Variants in EHBP1 observed in about 807,000 individuals in gnomAD.
EHBP1 encodes EH domain binding protein 1.
In EHBP1, 55 loss-of-function variants were observed where a neutral mutation model predicts 144.0. The observed-to-expected ratio is 0.38, with a 90% CI of 0.31 to 0.48. The LOEUF (loss-of-function observed/expected upper bound fraction) is 0.48, where lower values mean the gene tolerates loss of function less well. EHBP1 is among the 20% of genes least tolerant of loss of function. EHBP1 has a pLI of 0.98. For synonymous variants in EHBP1, 469 were observed against 472.7 expected, an observed-to-expected ratio of 0.99 and a Z score of 0.10; for missense variants, 1,200 against 1,364.2, an observed-to-expected ratio of 0.88 and a Z score of 1.90.
At chr2:62,943,055 T>C (rs1289072187) in intron 11 of EHBP1, among the ~76,000 whole-genome samples, 159 bp downstream of exon 11, 1 of 152,214 alleles carries the variant, frequency 6.6e-6, no homozygotes, top group East Asian at 1.9e-4. Context: ...CTTTTCCTTT[T>C]TCATACCTAA....
At chr2:62,776,470 G>C (rs2042059979) in intron 5 of EHBP1, among the ~76,000 whole-genome samples, 1 of 152,124 alleles carries the variant, frequency 6.6e-6, no homozygotes, top group African/African-American at 2.4e-5. Context: ...CTTTCTAGAG[G>C]ACACAGAAGA....
chr2:62,835,223 TG>T (rs1374549912), intron 7 of EHBP1, among the ~76,000 whole-genome samples: 3 of 152,194 alleles, frequency 2.0e-5, no homozygotes, highest in Non-Finnish European at 4.4e-5. Flanking sequence ...TTATAAGCTT[TG>T]CCCTTCAACT....
At chr2:62,959,534 C>T (rs553511053) in intron 14 of EHBP1, among the ~76,000 whole-genome samples, 1 of 152,290 alleles carries the variant, frequency 6.6e-6, no homozygotes, top group East Asian at 1.9e-4. Context: ...TTCTCACCAA[C>T]ACTTGCTACT....
chr2:62,755,371 A>G (rs1181359126), intron 3 of EHBP1, among the ~76,000 whole-genome samples: 2 of 151,970 alleles, frequency 1.3e-5, no homozygotes, highest in East Asian at 3.9e-4. Flanking sequence ...CCATGCAAAT[A>G]TACTACAATA....
At chr2:62,748,121 AATTAATG>A (rs1280756339) in intron 3 of EHBP1, among the ~76,000 whole-genome samples, 1 of 152,138 alleles carries the variant, frequency 6.6e-6, no homozygotes, top group African/African-American at 2.4e-5. Context: ...CAGTGTTAAG[AATTAATG>A]ATTAAACAGG....
chr2:63,002,678 A>G (rs536018222), intron 19 of EHBP1, among the ~76,000 whole-genome samples: 88 of 152,236 alleles, frequency 5.8e-4, no homozygotes, highest in African/African-American at 2.1e-3. Flanking sequence ...GAAGATATAA[A>G]AAAAGAAAAA....
intron 1 of EHBP1, among the ~76,000 whole-genome samples, chr2:62,674,894 G>A (rs535789831): frequency 3.9e-5 from 6 of 152,278 alleles, no homozygotes; most frequent in Non-Finnish European, 8.8e-5. Flanking sequence ...GTCTCCCAAA[G>A]CACTGGGATG....
chr2:62,770,530 G>A (rs934216833), intron 4 of EHBP1, among the ~76,000 whole-genome samples: 2 of 152,180 alleles, frequency 1.3e-5, no homozygotes, highest in Non-Finnish European at 2.9e-5. Context: ...AGGTTGTGGA[G>A]AAAAGGGAAC....
At chr2:62,680,384 G>T (rs982184986) in intron 1 of EHBP1, among the ~76,000 whole-genome samples, 1 of 152,140 alleles carries the variant, frequency 6.6e-6, no homozygotes, top group African/African-American at 2.4e-5. Flanking sequence ...AGTCCTACAG[G>T]TAATGAGTTT....
chr2:62,871,225 C>T (rs1317453608), intron 9 of EHBP1, among the ~76,000 whole-genome samples: 8 of 152,154 alleles, frequency 5.3e-5, no homozygotes, highest in Non-Finnish European at 1.5e-5. Context: ...ACACTCACAC[C>T]TGCTCTCTTA....
intron 19 of EHBP1, among the ~76,000 whole-genome samples, chr2:63,025,065 G>T (rs1390955582): frequency 2.0e-5 from 3 of 152,048 alleles, no homozygotes; most frequent in African/African-American, 7.2e-5. Context: ...ACAAAGTTTG[G>T]TTTTAGATAA....
At chr2:62,851,359 C>G (rs1321724056) in intron 7 of EHBP1, among the ~76,000 whole-genome samples, 1 of 152,144 alleles carries the variant, frequency 6.6e-6, no homozygotes, top group African/African-American at 2.4e-5. Context: ...GTGTCATGTT[C>G]TCTTTGCCTC....
At chr2:62,684,195 A>G (rs1473509332) in intron 1 of EHBP1, among the ~76,000 whole-genome samples, 1 of 152,230 alleles carries the variant, frequency 6.6e-6, no homozygotes, top group Non-Finnish European at 1.5e-5. Flanking sequence ...CCCTTAGAAC[A>G]GCAAATATAA....
intron 1 of EHBP1, among the ~76,000 whole-genome samples, chr2:62,690,590 AATTGTTATACAAG>A (rs1267021006): frequency 2.0e-5 from 3 of 152,140 alleles, no homozygotes; most frequent in Admixed American, 1.3e-4. Context: ...AAATAAAAAA[AATTGTTATACAAG>A]ATTGAGTAAG....
chr2:62,859,879 C>T (rs1039330333), intron 8 of EHBP1, among the ~76,000 whole-genome samples: 1 of 152,058 alleles, frequency 6.6e-6, no homozygotes, highest in African/African-American at 2.4e-5. Context: ...AGAAGTGAGA[C>T]TTCTGTTTAA....
chr2:62,766,889 T>C (rs577461821), intron 4 of EHBP1, among the ~76,000 whole-genome samples: 13 of 149,950 alleles, frequency 8.7e-5, no homozygotes, highest in Non-Finnish European at 1.9e-4. Context: ...GTAACATCTC[T>C]ACAATCCCTT....
At chr2:62,764,570 A>G (rs113622043) in intron 4 of EHBP1, among the ~76,000 whole-genome samples, 111 of 152,194 alleles carry the variant, frequency 7.3e-4, no homozygotes, top group African/African-American at 2.4e-3. Context: ...ACTTATTACA[A>G]TTCAGATCAG....
intron 5 of EHBP1, among the ~76,000 whole-genome samples, chr2:62,813,430 A>G (rs1340179203): frequency 6.6e-6 from 1 of 152,206 alleles, no homozygotes; most frequent in African/African-American, 2.4e-5. Context: ...AGTCCCCACT[A>G]GGGCAGTGTC....
intron 7 of EHBP1, among the ~76,000 whole-genome samples, chr2:62,834,734 G>A (rs767666581): frequency 1.9e-4 from 29 of 152,112 alleles, no homozygotes; most frequent in Non-Finnish European, 3.5e-4. Context: ...TGGATTGAAC[G>A]GCATGGGTCC....
Sources: allele counts gnomAD v4.1 joint callset (sites outside exome capture counted in the v4.1 genomes callset), GRCh38; gene constraint gnomAD v4.1.1; transcripts MANE v1.5; gene names NCBI Gene and HGNC (gene_info 2026-07-23, HGNC 2026-07-21).